CNTN1: variants seen among roughly 807,000 people sequenced by gnomAD.
CNTN1 encodes contactin-1.
Under a neutral mutation model 126.4 loss-of-function variants are expected in CNTN1, and 38 were observed. That is an observed-to-expected ratio of 0.30 (90% CI 0.23 to 0.39). CNTN1 has a LOEUF of 0.39. CNTN1 is among the 10% of genes least tolerant of loss of function. CNTN1 has a pLI of 1.00. For missense variants in CNTN1, 1,009 were observed against 1,248.4 expected (o/e 0.81, Z 2.89); for synonymous variants, 413 against 422.6 (o/e 0.98, Z 0.28).
chr12:40,795,443 T>C (rs1256088220), intron 1 of CNTN1, among the ~76,000 whole-genome samples: 1 of 151,652 alleles, frequency 6.6e-6, no homozygotes, highest in Non-Finnish European at 1.5e-5. Context: ...ACAGAACCTA[T>C]ACATATAGAT....
intron 1 of CNTN1, chr12:40,895,996 G>A (rs1001252129): frequency 6.6e-6 from 1 of 151,658 alleles, no homozygotes; most frequent in Non-Finnish European, 1.5e-5. Flanking sequence ...TCGATCTCCT[G>A]ACTTCGTGAT....
At position 40,788,749 on chromosome 12, in the gene CNTN1, A is replaced by G. The variant is rs554176036; in HGVS notation, c.-77+96157A>G. Among the ~76,000 whole-genome samples the G allele has an allele frequency of 9.2e-5, 14 of 152,250 alleles. 1 individual carries two copies. Among genetic ancestry groups the G allele is most frequent in the African/African-American group, 3.4e-4 (14 of 41,568 alleles). ...GATACCTCCTAGGTGACTAGAGGCA[A>G]GTAAAGTGACTGTTTAAAGTTCTTT... On this transcript the variant is annotated intron_variant, in intron 1 of 23. Transcript: ENST00000551295.
At chr12:40,828,714 G>T (rs767410047) in intron 1 of CNTN1, among the ~76,000 whole-genome samples, 4 of 152,144 alleles carry the variant, frequency 2.6e-5, no homozygotes, top group Non-Finnish European at 5.9e-5. Context: ...CACCAGAAAT[G>T]CTCAATCCTT....
intron 1 of CNTN1, among the ~76,000 whole-genome samples, chr12:40,750,456 T>C (rs1938364023): frequency 6.6e-6 from 1 of 152,034 alleles, no homozygotes; most frequent in Non-Finnish European, 1.5e-5. Context: ...GGTGTGGTGC[T>C]GGTGATATTT....
chr12:41,015,066 C>T (rs1186505098), intron 18 of CNTN1, among the ~76,000 whole-genome samples: 1 of 152,074 alleles, frequency 6.6e-6, no homozygotes, highest in Non-Finnish European at 1.5e-5. Context: ...GAAAAAATGA[C>T]AGGTTTTATT....
At position 40,830,755 on chromosome 12, in the gene CNTN1, C is replaced by A. The variant is rs188565625; in HGVS notation, c.-76-77602C>A. ...TTGTAATAAATTGAAGTAGAAATCT[C>A]TCTATATATATTGAGAGAGAGGGAG... On this transcript the variant is annotated intron_variant, in intron 1 of 23. Coordinates refer to ENST00000551295, the MANE Select transcript of CNTN1 (RefSeq NM_001843.4). 4.4e-4 allele frequency among the ~76,000 whole-genome samples: 61 copies of A among 137,604 alleles called. 2 individuals carry two copies. The East Asian group carries it at 7.4e-3, about 17-fold the overall frequency. 90.3% of individuals were successfully genotyped at this position (137,604 alleles called of 152,430 possible).
chr12:40,940,611 A>G (rs967834623), intron 12 of CNTN1, among the ~76,000 whole-genome samples: 4 of 152,146 alleles, frequency 2.6e-5, no homozygotes, highest in African/African-American at 9.7e-5. Flanking sequence ...CATGCTATCT[A>G]AACTAGAACT....
intron 16 of CNTN1, among the ~76,000 whole-genome samples, chr12:40,983,184 A>T (rs1190373232): frequency 6.6e-6 from 1 of 152,076 alleles, no homozygotes; most frequent in East Asian, 1.9e-4. Context: ...TATCTTTTCC[A>T]ATTCTTCTAC....
chr12:40,915,212 G>T (rs1945187708), intron 3 of CNTN1, among the ~76,000 whole-genome samples: 1 of 152,034 alleles, frequency 6.6e-6, no homozygotes, highest in Non-Finnish European at 1.5e-5. Context: ...ATAGAAATAT[G>T]TTCATGTGAA....
intron 10 of CNTN1, among the ~76,000 whole-genome samples, 176 bp downstream of exon 10, chr12:40,937,081 A>T (rs928769831): frequency 1.1e-4 from 16 of 152,166 alleles, no homozygotes; most frequent in Admixed American, 7.2e-4. Context: ...TTCAGTTTAA[A>T]CAACTTTCTG....
chr12:40,890,970 A>G (rs1446697319), intron 1 of CNTN1, among the ~76,000 whole-genome samples: 1 of 152,196 alleles, frequency 6.6e-6, no homozygotes, highest in Non-Finnish European at 1.5e-5. Context: ...CCAGTAGTAA[A>G]CGAGAGTTCC....
intron 1 of CNTN1, among the ~76,000 whole-genome samples, chr12:40,812,119 C>G (rs1030612190): frequency 9.2e-5 from 14 of 151,740 alleles, no homozygotes; most frequent in African/African-American, 3.4e-4. Context: ...AAGATATTTT[C>G]AAAGTTATCT....
intron 1 of CNTN1, among the ~76,000 whole-genome samples, chr12:40,761,105 T>C (rs1938848593): frequency 6.6e-6 from 1 of 152,130 alleles, no homozygotes. Flanking sequence ...AGGTAATCTA[T>C]TTGTAAATCA....
At chr12:40,725,746 C>A (rs960528874) in intron 1 of CNTN1, among the ~76,000 whole-genome samples, 1 of 152,152 alleles carries the variant, frequency 6.6e-6, no homozygotes, top group Non-Finnish European at 1.5e-5. Context: ...CTCTTAAAAT[C>A]TCTCTCACTT....
At chr12:40,785,538 C>A (rs1003270154) in intron 1 of CNTN1, among the ~76,000 whole-genome samples, 1 of 152,024 alleles carries the variant, frequency 6.6e-6, no homozygotes, top group Non-Finnish European at 1.5e-5. Context: ...ATCATTAGTT[C>A]TTGTAGGTTT....
At chr12:40,694,513 C>T (rs1463355400) in intron 1 of CNTN1, among the ~76,000 whole-genome samples, 1 of 152,110 alleles carries the variant, frequency 6.6e-6, no homozygotes, top group African/African-American at 2.4e-5. Flanking sequence ...TAGCAGTTTC[C>T]CCTCAAATAG....
At position 40,944,012 on chromosome 12, in the gene CNTN1, T is replaced by C. The variant is rs1456172647; in HGVS notation, c.1525T>C (p.Leu509=). 6.2e-7 allele frequency: 1 copy of C among 1,613,536 alleles called. No individual in the cohort carries two copies. Among genetic ancestry groups the C allele is most frequent in the South Asian group, 1.1e-5 (1 of 91,070 alleles). Residue 509 remains leucine, a synonymous_variant, in exon 14 of 24, where the codon TTG becomes CTG. Transcript: ENST00000551295. ...ATATATAGATCCTACGCGAATTATA[T>C]TGGCCCCAATTAATGCCGATATCAC... ...LVITDPTRII[L]APINADITVG...
chr12:40,907,680 TTTGGCCCCACAAAACC>T (rs1944880984), intron 1 of CNTN1, among the ~76,000 whole-genome samples: 1 of 152,228 alleles, frequency 6.6e-6, no homozygotes, highest in Non-Finnish European at 1.5e-5. Flanking sequence ...AATGGACAAT[TTTGGCCCCACAAAACC>T]TTGATTGTCC....
intron 16 of CNTN1, among the ~76,000 whole-genome samples, chr12:40,985,160 A>T (rs1947927092): frequency 6.6e-6 from 1 of 152,102 alleles, no homozygotes; most frequent in Admixed American, 6.6e-5. Context: ...TGGATATGAT[A>T]TTCTTGGTTG....
Sources: gnomAD v4.1 joint callset for allele counts (sites outside exome capture counted in the v4.1 genomes callset) on GRCh38, gnomAD v4.1.1 for gene constraint, MANE v1.5 for transcripts, NCBI Gene and HGNC (gene_info 2026-07-23, HGNC 2026-07-21) for gene names.